Variants in CCSER1 observed in about 807,000 individuals in gnomAD.
CCSER1 encodes the protein serine-rich coiled-coil domain-containing protein 1.
A neutral mutation model predicts 82.0 loss-of-function variants in CCSER1; 41 were observed. The ratio of observed to expected loss-of-function variants is 0.50; its 90% confidence interval spans 0.39 to 0.65. The LOEUF is 0.65. CCSER1 is among the 30% of genes least tolerant of loss of function. The probability of loss-of-function intolerance (pLI) is 0.00; values close to 1 mark genes in which losing one functional copy is unlikely to be tolerated. For synonymous variants in CCSER1, 414 were observed against 383.9 expected (o/e 1.08, Z -0.92); for missense variants, 1,119 against 1,064.2 (o/e 1.05, Z -0.72).
intron 10 of CCSER1, among the ~76,000 whole-genome samples, chr4:91,468,167 C>T (rs2149440647): frequency 6.6e-6 from 1 of 152,232 alleles, no homozygotes; most frequent in South Asian, 2.1e-4. Context: ...GAATACTATG[C>T]AGCCATAAAA....
chr4:91,128,136 A>G (rs1415536248), intron 10 of CCSER1, among the ~76,000 whole-genome samples: 2 of 151,902 alleles, frequency 1.3e-5, no homozygotes, highest in African/African-American at 4.8e-5. Context: ...TCACACTCTC[A>G]TTGTTACTTT....
At chr4:90,353,744 TCTC>T (rs1396191820) in intron 3 of CCSER1, among the ~76,000 whole-genome samples, 1 of 152,150 alleles carries the variant, frequency 6.6e-6, no homozygotes, top group African/African-American at 2.4e-5. Flanking sequence ...AGGAAAGCAC[TCTC>T]CTCCTCTGTA....
intron 7 of CCSER1, among the ~76,000 whole-genome samples, chr4:90,743,540 G>A (rs1015696782): frequency 6.6e-6 from 1 of 152,082 alleles, no homozygotes; most frequent in South Asian, 2.1e-4. Flanking sequence ...GATTCTTGTA[G>A]GCTAAACTTA....
intron 10 of CCSER1, among the ~76,000 whole-genome samples, chr4:91,573,739 A>G (rs1206165974): frequency 6.6e-6 from 1 of 152,084 alleles, no homozygotes; most frequent in African/African-American, 2.4e-5. Context: ...AAGTACCTGG[A>G]TGTTTCAGTT....
At chr4:90,428,310 T>G (rs1165936752) in intron 4 of CCSER1, among the ~76,000 whole-genome samples, 1 of 151,790 alleles carries the variant, frequency 6.6e-6, no homozygotes, top group Admixed American at 6.6e-5. Context: ...ATTTAATAAG[T>G]AACAGAATTC....
intron 1 of CCSER1, among the ~76,000 whole-genome samples, chr4:90,230,781 A>G (rs1313989930): frequency 6.6e-6 from 1 of 152,078 alleles, no homozygotes; most frequent in African/African-American, 2.4e-5. Flanking sequence ...AAAAAATGAT[A>G]AAGGGGATAT....
At chr4:90,789,994 A>G (rs1755019805) in intron 7 of CCSER1, among the ~76,000 whole-genome samples, 1 of 152,018 alleles carries the variant, frequency 6.6e-6, no homozygotes, top group Non-Finnish European at 1.5e-5. Context: ...CTTCCATTCC[A>G]CTAGTATACA....
intron 5 of CCSER1, among the ~76,000 whole-genome samples, chr4:90,586,335 C>A (rs1292620953): frequency 6.6e-6 from 1 of 151,884 alleles, no homozygotes; most frequent in Non-Finnish European, 1.5e-5. Context: ...TTGGGGACTG[C>A]GGATTTAGAA....
chr4:91,584,361 G>T (rs374649212), intron 10 of CCSER1, among the ~76,000 whole-genome samples: 38 of 151,490 alleles, frequency 2.5e-4, no homozygotes, highest in Non-Finnish European at 5.5e-4. Flanking sequence ...GACTCATTTG[G>T]ATGGATACAG....
intron 2 of CCSER1, among the ~76,000 whole-genome samples, chr4:90,312,483 G>C (rs1328633549): frequency 1.3e-5 from 2 of 152,284 alleles, no homozygotes; most frequent in East Asian, 3.9e-4. Context: ...GTTGCGGGTG[G>C]AGAGGCAGAT....
intron 4 of CCSER1, among the ~76,000 whole-genome samples, chr4:90,443,252 T>C (rs896513430): frequency 1.3e-5 from 2 of 152,164 alleles, no homozygotes; most frequent in Non-Finnish European, 2.9e-5. Context: ...GGGAGCACTT[T>C]ACAGCTTCTC....
chr4:91,368,947 C>T (rs964117157), intron 10 of CCSER1, among the ~76,000 whole-genome samples: 1 of 152,150 alleles, frequency 6.6e-6, no homozygotes, highest in African/African-American at 2.4e-5. Flanking sequence ...ACATCTCAAT[C>T]CTGCTATGGT....
intron 4 of CCSER1, among the ~76,000 whole-genome samples, chr4:90,445,889 C>T (rs192326076): frequency 6.6e-6 from 1 of 152,220 alleles, no homozygotes; most frequent in Admixed American, 6.5e-5. Context: ...ATTGAACTAG[C>T]AACACATATT....
intron 10 of CCSER1, among the ~76,000 whole-genome samples, chr4:91,593,235 A>G (rs1171306288): frequency 6.6e-6 from 1 of 152,158 alleles, no homozygotes; most frequent in Admixed American, 6.6e-5. Flanking sequence ...AATGCAGTTT[A>G]AATTGCCCGT....
intron 4 of CCSER1, among the ~76,000 whole-genome samples, chr4:90,414,646 T>C (rs1174235558): frequency 1.3e-5 from 2 of 152,104 alleles, no homozygotes; most frequent in Non-Finnish European, 2.9e-5. Context: ...ACAAATTGAG[T>C]CATGCAATAT....
intron 8 of CCSER1, among the ~76,000 whole-genome samples, chr4:90,826,840 A>G (rs1360974212): frequency 6.6e-6 from 1 of 152,210 alleles, no homozygotes; most frequent in African/African-American, 2.4e-5. Flanking sequence ...AATAGCTACT[A>G]TTTATGGATT....
intron 5 of CCSER1, among the ~76,000 whole-genome samples, chr4:90,521,398 A>G (rs1292529461): frequency 6.6e-6 from 1 of 152,148 alleles, no homozygotes; most frequent in Non-Finnish European, 1.5e-5. Context: ...CAGAACAAAT[A>G]TAATACAAAA....
At chr4:91,592,906 A>C (rs1239837731) in intron 10 of CCSER1, among the ~76,000 whole-genome samples, 1 of 152,124 alleles carries the variant, frequency 6.6e-6, no homozygotes, top group East Asian at 1.9e-4. Context: ...CAGAGTTCTT[A>C]TGTATGCAAG....
intron 10 of CCSER1, among the ~76,000 whole-genome samples, chr4:91,155,031 C>T (rs1216003557): frequency 3.8e-5 from 3 of 78,960 alleles, no homozygotes; most frequent in Admixed American, 3.6e-4. Flanking sequence ...GCTTTTCTGG[C>T]CTTAAAAAAA....
Sources: allele counts gnomAD v4.1 joint callset (sites outside exome capture counted in the v4.1 genomes callset), GRCh38; gene constraint gnomAD v4.1.1; transcripts MANE v1.5; gene names NCBI Gene and HGNC (gene_info 2026-07-23, HGNC 2026-07-21).